GRID2: variants seen among roughly 807,000 people sequenced by gnomAD.
The protein encoded by GRID2 is glutamate ionotropic receptor delta type subunit 2.
A neutral mutation model predicts 114.8 loss-of-function variants in GRID2; 33 were observed. The observed-to-expected ratio is 0.29, with a 90% CI of 0.22 to 0.38. The LOEUF is 0.38. Among genes scored for constraint, GRID2 ranks in the 10% least tolerant of loss-of-function variants. The pLI is 1.00. For missense variants in GRID2, 1,184 were observed against 1,257.7 expected, an observed-to-expected ratio of 0.94 and a Z score of 0.89; for synonymous variants, 505 against 449.9, an observed-to-expected ratio of 1.12 and a Z score of -1.55.
chr4:92,595,347 A>G (rs1036185545), intron 2 of GRID2, among the ~76,000 whole-genome samples: 21 of 152,022 alleles, frequency 1.4e-4, no homozygotes, highest in African/African-American at 5.1e-4. Flanking sequence ...AATTCAAAGA[A>G]GCAAACTCTT....
At chr4:93,724,363 GC>G (rs1321898837) in intron 14 of GRID2, among the ~76,000 whole-genome samples, 12 of 152,056 alleles carry the variant, frequency 7.9e-5, no homozygotes, top group Admixed American at 7.2e-4. Context: ...TAATTTCATG[GC>G]CTATAATTTT....
At chr4:93,578,633 G>T (rs1334949433) in intron 13 of GRID2, among the ~76,000 whole-genome samples, 1 of 121,320 alleles carries the variant, frequency 8.2e-6, no homozygotes, top group Admixed American at 1.0e-4. Flanking sequence ...TCACTCTGTA[G>T]CCCAGGCTGG....
chr4:92,970,975 G>A (rs113426105), intron 2 of GRID2, among the ~76,000 whole-genome samples: 2,233 of 151,502 alleles, frequency 0.015, 20 homozygotes, highest in East Asian at 0.053. Context: ...TACATCGTGC[G>A]TGTATGTGTG....
chr4:92,643,808 CAGA>C (rs1039798759), intron 2 of GRID2, among the ~76,000 whole-genome samples: 2 of 151,662 alleles, frequency 1.3e-5, no homozygotes, highest in African/African-American at 4.8e-5. Flanking sequence ...GCCTTGATTT[CAGA>C]AGATATTTTA....
At chr4:93,608,464 C>A (rs1740559102) in intron 13 of GRID2, among the ~76,000 whole-genome samples, 1 of 144,952 alleles carries the variant, frequency 6.9e-6, no homozygotes, top group African/African-American at 2.6e-5. Context: ...CTCCTCCCTC[C>A]CCCAACCCCA....
intron 2 of GRID2, among the ~76,000 whole-genome samples, chr4:92,658,027 T>C (rs901414781): frequency 4.0e-5 from 6 of 151,790 alleles, no homozygotes; most frequent in African/African-American, 1.4e-4. Flanking sequence ...ATGATATCAT[T>C]GAGTTATTAG....
At chr4:92,345,205 T>C (rs781339473) in intron 1 of GRID2, among the ~76,000 whole-genome samples, 1 of 151,912 alleles carries the variant, frequency 6.6e-6, no homozygotes, top group Non-Finnish European at 1.5e-5. Flanking sequence ...AGAGAACATG[T>C]GATGTTTGGT....
intron 2 of GRID2, among the ~76,000 whole-genome samples, chr4:92,981,408 G>A (rs184624866): frequency 8.5e-5 from 13 of 152,066 alleles, no homozygotes; most frequent in African/African-American, 3.1e-4. Flanking sequence ...AACAGTAAAA[G>A]TAATTGTACA....
chr4:92,796,153 T>C (rs1323608308), intron 2 of GRID2, among the ~76,000 whole-genome samples: 1 of 151,920 alleles, frequency 6.6e-6, no homozygotes, highest in Non-Finnish European at 1.5e-5. Flanking sequence ...GACAATATTT[T>C]CCGTAGAATA....
Position 93,517,707 on chromosome 4 carries a change from A to G in GRID2, c.2193+2296A>G, listed in dbSNP as rs1578172956. 2.6e-5 allele frequency among the ~76,000 whole-genome samples: 4 copies of G among 152,030 alleles called. No individual in the cohort carries two copies. In the South Asian group the frequency reaches 8.3e-4, roughly 32 times the overall value. ...GAGTTTCATGAAATTGAGAACTATG[A>G]CACATGGAATGTGGTTGTGGATTCT... is the stretch of plus-strand genomic sequence containing the variant. On this transcript the variant is annotated intron_variant, in intron 13 of 15. Coordinates refer to ENST00000282020, the MANE Select transcript of GRID2 (RefSeq NM_001510.4).
At chr4:92,744,340 T>C (rs1223673513) in intron 2 of GRID2, among the ~76,000 whole-genome samples, 2 of 151,692 alleles carry the variant, frequency 1.3e-5, no homozygotes, top group Admixed American at 1.3e-4. Flanking sequence ...GTACAAAAAT[T>C]AGCCGGGTGT....
intron 1 of GRID2, among the ~76,000 whole-genome samples, chr4:92,343,400 T>C (rs990021583): frequency 6.6e-6 from 1 of 152,160 alleles, no homozygotes; most frequent in South Asian, 2.1e-4. Flanking sequence ...CCTTGAACAA[T>C]GTGGAGATTG....
At chr4:93,501,512 T>C (rs1429398764) in intron 12 of GRID2, among the ~76,000 whole-genome samples, 1 of 152,116 alleles carries the variant, frequency 6.6e-6, no homozygotes, top group Non-Finnish European at 1.5e-5. Context: ...AGTGTTGAAA[T>C]GGCTTACTTG....
chr4:93,120,718 C>G (rs4331747), intron 4 of GRID2, among the ~76,000 whole-genome samples: 3 of 152,062 alleles, frequency 2.0e-5, no homozygotes, highest in African/African-American at 7.2e-5. Flanking sequence ...CTTTGGGAGG[C>G]TGAGGCGGGT....
intron 13 of GRID2, among the ~76,000 whole-genome samples, chr4:93,518,742 TG>T (rs1730051811): frequency 1.3e-5 from 2 of 152,132 alleles, no homozygotes; most frequent in South Asian, 4.2e-4. Context: ...AAATAACATT[TG>T]AATACAAACT....
At chr4:92,994,828 C>G (rs1246422414) in intron 2 of GRID2, among the ~76,000 whole-genome samples, 1 of 152,128 alleles carries the variant, frequency 6.6e-6, no homozygotes, top group Admixed American at 6.6e-5. Flanking sequence ...CAACCAAATC[C>G]TGTGGTGAGA....
At chr4:93,017,540 G>A (rs1349950144) in intron 2 of GRID2, among the ~76,000 whole-genome samples, 1 of 151,684 alleles carries the variant, frequency 6.6e-6, no homozygotes, top group Non-Finnish European at 1.5e-5. Flanking sequence ...ATGGCCACGC[G>A]CAGTGGCTCA....
intron 8 of GRID2, among the ~76,000 whole-genome samples, chr4:93,254,179 T>A (rs1247496394): frequency 2.0e-5 from 3 of 152,098 alleles, no homozygotes; most frequent in African/African-American, 7.2e-5. Flanking sequence ...TTTTACTTAC[T>A]GGTAGTGAAT....
intron 2 of GRID2, among the ~76,000 whole-genome samples, chr4:92,694,980 T>G (rs532701566): frequency 1.7e-4 from 26 of 152,214 alleles, no homozygotes; most frequent in African/African-American, 6.3e-4. Context: ...TTTGTTTTGT[T>G]TTTTGGGATG....
Sources: allele counts gnomAD v4.1 joint callset (sites outside exome capture counted in the v4.1 genomes callset), GRCh38; gene constraint gnomAD v4.1.1; transcripts MANE v1.5; gene names NCBI Gene and HGNC (gene_info 2026-07-23, HGNC 2026-07-21).